The following RIGI variants were observed in gnomAD, a reference collection of about 807,000 sequenced individuals.
The protein encoded by RIGI is RNA sensor RIG-I, also known as antiviral innate immune response receptor RIG-I.
At chr9:32,482,575 G>C in the RIGI span, among the ~76,000 whole-genome samples, 1 of 152,122 alleles carries the variant, frequency 6.6e-6, no homozygotes, top group African/African-American at 2.4e-5. Context: ...AAAAGCAGGA[G>C]ATTGGCCGGC....
the RIGI span, chr9:32,477,042 A>G: frequency 7.7e-5 from 125 of 1,614,094 alleles, 1 homozygote; most frequent in African/African-American, 1.5e-3. Flanking sequence ...TTTAAGTGGT[A>G]CTCTTCTTGT....
At chr9:32,520,848 C>T in the RIGI span, among the ~76,000 whole-genome samples, 3 of 27,348 alleles carry the variant, frequency 1.1e-4, no homozygotes, top group South Asian at 1.4e-3. Flanking sequence ...TGGCTCAGGC[C>T]GGGGCTGGTG....
At chr9:32,460,461 A>G in the RIGI span, among the ~76,000 whole-genome samples, 2 of 152,230 alleles carry the variant, frequency 1.3e-5, no homozygotes, top group Non-Finnish European at 2.9e-5. Flanking sequence ...TCATACCAAT[A>G]AACAGAAAGA....
chr9:32,469,990 T>C, the RIGI span, among the ~76,000 whole-genome samples: 1 of 152,228 alleles, frequency 6.6e-6, no homozygotes, highest in African/African-American at 2.4e-5. Flanking sequence ...CTTGTGGTTT[T>C]TGAATTATTT....
the RIGI span, among the ~76,000 whole-genome samples, chr9:32,512,305 T>C: frequency 2.6e-5 from 4 of 152,178 alleles, no homozygotes; most frequent in Non-Finnish European, 4.4e-5. Context: ...TGAACATTGA[T>C]GCAAAAATCC....
the RIGI span, among the ~76,000 whole-genome samples, chr9:32,470,766 T>TA: frequency 7.9e-5 from 12 of 152,208 alleles, no homozygotes; most frequent in South Asian, 2.1e-4. Flanking sequence ...CAGCTTTTTG[T>TA]AAAAAAAGGT....
chr9:32,500,832 C>T, the RIGI span: 11 of 1,614,098 alleles, frequency 6.8e-6, no homozygotes, highest in South Asian at 1.1e-4. Context: ...TCCAAAAAGC[C>T]ACGGAACCAG....
chr9:32,468,327 T>C, the RIGI span, among the ~76,000 whole-genome samples: 2 of 152,210 alleles, frequency 1.3e-5, no homozygotes, highest in African/African-American at 2.4e-5. Context: ...CAGAGCATCA[T>C]AAAGCCCTAT....
the RIGI span, among the ~76,000 whole-genome samples, chr9:32,458,708 C>G: frequency 9.9e-5 from 15 of 151,912 alleles, no homozygotes; most frequent in African/African-American, 3.4e-4. Flanking sequence ...TTCTGCATAC[C>G]CTTTACCCAG....
At chr9:32,519,373 A>C in the RIGI span, among the ~76,000 whole-genome samples, 1 of 152,250 alleles carries the variant, frequency 6.6e-6, no homozygotes, top group African/African-American at 2.4e-5. Context: ...AAAGTTCCTA[A>C]GCTACCTTTT....
the RIGI span, among the ~76,000 whole-genome samples, chr9:32,483,641 A>C: frequency 8.5e-5 from 13 of 152,104 alleles, no homozygotes; most frequent in African/African-American, 2.9e-4. Context: ...GGTTAGAGGG[A>C]GTTTGCAAAA....
At chr9:32,476,406 G>A in the RIGI span, among the ~76,000 whole-genome samples, 1 of 152,136 alleles carries the variant, frequency 6.6e-6, no homozygotes, top group Non-Finnish European at 1.5e-5. Context: ...AGAGGGTGAT[G>A]AGGTGGGAGA....
chr9:32,487,785 C>T, the RIGI span: 3 of 1,265,614 alleles, frequency 2.4e-6, no homozygotes, highest in South Asian at 3.0e-5. Flanking sequence ...TGCATATTTA[C>T]TAAGTGAACA....
chr9:32,490,003 A>G, the RIGI span, among the ~76,000 whole-genome samples: 1 of 152,238 alleles, frequency 6.6e-6, no homozygotes, highest in African/African-American at 2.4e-5. Context: ...GACTTTGGAA[A>G]TTATCTACTG....
the RIGI span, among the ~76,000 whole-genome samples, chr9:32,514,476 C>T: frequency 6.6e-6 from 1 of 152,222 alleles, no homozygotes; most frequent in East Asian, 1.9e-4. Context: ...AACACAGGAA[C>T]AGAAAACCTA....
At chr9:32,466,708 AAAAAAAAAAG>A in the RIGI span, among the ~76,000 whole-genome samples, 24 of 150,566 alleles carry the variant, frequency 1.6e-4, 1 homozygote, top group Admixed American at 1.3e-4. Context: ...AAAAAAAAAA[AAAAAAAAAAG>A]ACTCAAATGC....
At chr9:32,476,446 A>G in the RIGI span, among the ~76,000 whole-genome samples, 1 of 152,142 alleles carries the variant, frequency 6.6e-6, no homozygotes, top group Non-Finnish European at 1.5e-5. Flanking sequence ...TTGAGGGTGC[A>G]GAGAGCCATG....
the RIGI span, among the ~76,000 whole-genome samples, chr9:32,509,312 C>T: frequency 1.3e-5 from 2 of 152,220 alleles, no homozygotes; most frequent in Non-Finnish European, 1.5e-5. Context: ...TGGGGAGACA[C>T]CTCCTACCAG....
chr9:32,487,910 G>C, the RIGI span: 7 of 1,606,104 alleles, frequency 4.4e-6, no homozygotes, highest in South Asian at 1.1e-5. Flanking sequence ...GAAGATTATA[G>C]CTCTTCTGAA....
Sources: gnomAD v4.1 joint callset for allele counts (sites outside exome capture counted in the v4.1 genomes callset) on GRCh38, gnomAD v4.1.1 for gene constraint, MANE v1.5 for transcripts, NCBI Gene and HGNC (gene_info 2026-07-23, HGNC 2026-07-21) for gene names.